The following PTPRG variants were observed in gnomAD, a reference collection of about 807,000 sequenced individuals.
PTPRG encodes protein tyrosine phosphatase receptor type G.
PTPRG carries 102 observed loss-of-function variants against 165.3 expected under a neutral mutation model. The observed-to-expected ratio is 0.62, with a 90% CI of 0.53 to 0.73. The LOEUF is 0.73. PTPRG is among the 30% of genes least tolerant of loss of function. The probability of loss-of-function intolerance (pLI) is 0.00; values close to 1 mark genes in which losing one functional copy is unlikely to be tolerated. For synonymous variants in PTPRG, 675 were observed against 669.5 expected (o/e 1.01, Z -0.13); for missense variants, 1,866 against 1,861.4 (o/e 1.00, Z -0.05).
chr3:62,170,630 T>TA (rs1179527053), intron 8 of PTPRG, among the ~76,000 whole-genome samples: 2 of 152,196 alleles, frequency 1.3e-5, no homozygotes, highest in Non-Finnish European at 2.9e-5. Context: ...CATCCTTAAA[T>TA]ACGGCAAATT....
At chr3:62,243,767 T>C (rs1338211617) in intron 14 of PTPRG, 40 bp from the exon 15 acceptor site, 1 of 1,244,336 alleles carries the variant, frequency 8.0e-7, no homozygotes, top group Non-Finnish European at 1.2e-6. Context: ...TCAAATAAAG[T>C]ATATTCTATT....
chr3:61,584,110 G>A (rs1011580830), intron 1 of PTPRG, among the ~76,000 whole-genome samples: 1 of 152,174 alleles, frequency 6.6e-6, no homozygotes, highest in Non-Finnish European at 1.5e-5. Context: ...TTTGGTGCTA[G>A]GGACAGCCTC....
chr3:62,067,487 T>C (rs1448980745), intron 4 of PTPRG, among the ~76,000 whole-genome samples: 1 of 152,150 alleles, frequency 6.6e-6, no homozygotes, highest in Admixed American at 6.5e-5. Flanking sequence ...TCACTTGCAT[T>C]GTATTTATTG....
chr3:61,704,419 C>T (rs539882425), intron 1 of PTPRG, among the ~76,000 whole-genome samples: 2 of 152,206 alleles, frequency 1.3e-5, no homozygotes, highest in South Asian at 2.1e-4. Flanking sequence ...ATCAAGGATT[C>T]TTCACCTTTT....
chr3:62,071,444 C>G (rs926724101), intron 4 of PTPRG, among the ~76,000 whole-genome samples: 5 of 152,124 alleles, frequency 3.3e-5, no homozygotes, highest in Admixed American at 6.5e-5. Flanking sequence ...GGGAAATGCC[C>G]CCTCCTGCCC....
intron 2 of PTPRG, among the ~76,000 whole-genome samples, chr3:61,863,147 AT>A (rs560194635): frequency 3.8e-4 from 58 of 152,294 alleles, no homozygotes; most frequent in Middle Eastern, 3.4e-3. Flanking sequence ...AACCAGCTGA[AT>A]GTCTCTCTGG....
At chr3:61,746,231 T>TTTTC (rs2033199511) in intron 1 of PTPRG, among the ~76,000 whole-genome samples, 3 of 72,896 alleles carry the variant, frequency 4.1e-5, no homozygotes, top group South Asian at 4.1e-4. Flanking sequence ...TTTTTTTTTT[T>TTTTC]TTTTTGAGAC....
At chr3:61,912,122 T>G (rs1437642572) in intron 2 of PTPRG, among the ~76,000 whole-genome samples, 1 of 152,172 alleles carries the variant, frequency 6.6e-6, no homozygotes, top group East Asian at 1.9e-4. Flanking sequence ...ATGAAGTATT[T>G]TTGTAGCCTC....
intron 2 of PTPRG, among the ~76,000 whole-genome samples, chr3:61,862,611 T>C (rs140720810): frequency 0.16 from 23,739 of 151,964 alleles, 1,856 homozygotes; most frequent in Middle Eastern, 0.19. Context: ...GTCAGGATGG[T>C]CTTGAGCTCC....
At chr3:61,848,610 A>G (rs1008339261) in intron 2 of PTPRG, among the ~76,000 whole-genome samples, 3 of 152,182 alleles carry the variant, frequency 2.0e-5, no homozygotes, top group Admixed American at 1.3e-4. Flanking sequence ...ATTTCAGACT[A>G]TTTTTATTCA....
At chr3:61,953,589 T>C (rs1252546352) in intron 2 of PTPRG, among the ~76,000 whole-genome samples, 1 of 152,156 alleles carries the variant, frequency 6.6e-6, no homozygotes, top group Non-Finnish European at 1.5e-5. Context: ...GTGGTGGTTC[T>C]ATGGGGAGGG....
chr3:61,630,959 G>A (rs1701758063), intron 1 of PTPRG, among the ~76,000 whole-genome samples: 1 of 151,966 alleles, frequency 6.6e-6, no homozygotes, highest in Non-Finnish European at 1.5e-5. Context: ...GGGAGGGTGA[G>A]GAAGAAAAAT....
chr3:62,084,015 A>T (rs1167239236), intron 5 of PTPRG, among the ~76,000 whole-genome samples: 1 of 152,186 alleles, frequency 6.6e-6, no homozygotes, highest in Non-Finnish European at 1.5e-5. Context: ...TTTCATTTAT[A>T]TTTCATTAAT....
chr3:62,293,110 G>A, intron 29 of PTPRG, 51 bp from the exon 30 acceptor site: 2 of 1,420,254 alleles, frequency 1.4e-6, no homozygotes, highest in Non-Finnish European at 1.9e-6. Context: ...CACCTTATGT[G>A]AAATCACTAA....
Position 62,237,302 on chromosome 3 carries a change from G to A in PTPRG, c.2375+5991G>A, listed in dbSNP as rs1384695157. Among the ~76,000 whole-genome samples, 1 of 152,000 alleles carries A rather than the reference G, an allele frequency of 6.6e-6. No homozygotes were observed. Among genetic ancestry groups the A allele is most frequent in the Admixed American group, 6.6e-5 (1 of 15,264 alleles). ...CAGAAGTCTAGAGGTTTTTTTGTTTGTTTGTTTTGGTTATTTTGCTACATT... is the reference window on the plus strand; with the variant it reads ...CAGAAGTCTAGAGGTTTTTTTGTTTATTTGTTTTGGTTATTTTGCTACATT... On this transcript the variant is annotated intron_variant, in intron 14 of 29. Transcript: ENST00000474889. The surrounding 1 kb of genome is among the most constrained non-coding windows in gnomAD (Gnocchi z 4.5).
At chr3:61,605,648 T>G (rs1166222330) in intron 1 of PTPRG, among the ~76,000 whole-genome samples, 1 of 152,152 alleles carries the variant, frequency 6.6e-6, no homozygotes, top group East Asian at 1.9e-4. Context: ...AGCTTACTGC[T>G]GCCTTGAACT....
intron 5 of PTPRG, among the ~76,000 whole-genome samples, chr3:62,087,362 C>T (rs1701786913): frequency 6.6e-6 from 1 of 152,200 alleles, no homozygotes; most frequent in Non-Finnish European, 1.5e-5. Context: ...GGGAGAACTC[C>T]TGACATAAAG....
chr3:61,870,494 T>G (rs1476674835), intron 2 of PTPRG, among the ~76,000 whole-genome samples: 3 of 127,990 alleles, frequency 2.3e-5, no homozygotes, highest in African/African-American at 9.6e-5. Flanking sequence ...TTTTTTTTTT[T>G]TTTTTTTTGT....
chr3:61,776,592 T>A (rs139906291), intron 2 of PTPRG, among the ~76,000 whole-genome samples: 4 of 152,130 alleles, frequency 2.6e-5, no homozygotes, highest in Non-Finnish European at 5.9e-5. Flanking sequence ...CTAGAACTTA[T>A]TAGGGCGGCA....
Sources: gnomAD v4.1 joint callset for allele counts (sites outside exome capture counted in the v4.1 genomes callset) on GRCh38, gnomAD v4.1.1 for gene constraint, Gnocchi (gnomAD v3.1) non-coding constraint, MANE v1.5 for transcripts, NCBI Gene and HGNC (gene_info 2026-07-23, HGNC 2026-07-21) for gene names.